The following IQCK variants were observed in gnomAD, a reference collection of about 807,000 sequenced individuals.
IQCK encodes IQ domain-containing protein K.
Under a neutral mutation model 28.1 loss-of-function variants are expected in IQCK, and 29 were observed. That is an observed-to-expected ratio of 1.03 (90% confidence interval 0.77 to 1.41). The LOEUF is 1.41. Ranked by LOEUF, IQCK falls within the 40% of genes most tolerant of loss-of-function variation. The pLI, the probability that IQCK is intolerant of heterozygous loss-of-function variation, is 0.00. For synonymous variants in IQCK, 113 were observed against 115.1 expected (o/e 0.98, Z 0.12); for missense variants, 359 against 314.7 (o/e 1.14, Z -1.07).
intron 7 of IQCK, among the ~76,000 whole-genome samples, chr16:19,793,652 T>TGTTTG (rs1349410786): frequency 7.8e-6 from 1 of 128,376 alleles, no homozygotes; most frequent in African/African-American, 3.5e-5. Flanking sequence ...GGTTTTTTTT[T>TGTTTG]TTTTTTTTTT....
intron 2 of IQCK, among the ~76,000 whole-genome samples, chr16:19,732,455 G>A (rs1026742488): frequency 4.6e-5 from 7 of 152,106 alleles, no homozygotes; most frequent in East Asian, 1.9e-4. Flanking sequence ...GGGATTGGGC[G>A]GTGGCGGCAG....
At chr16:19,719,232 A>C (rs8063404) in intron 1 of IQCK, among the ~76,000 whole-genome samples, 24,783 of 152,038 alleles carry the variant, frequency 0.16, 2,176 homozygotes, top group South Asian at 0.27. Context: ...GGAAAAAAAA[A>C]CACAAACTGC....
intron 9 of IQCK, among the ~76,000 whole-genome samples, chr16:19,838,107 G>A (rs75892985): frequency 0.029 from 4,488 of 152,304 alleles, 92 homozygotes; most frequent in Non-Finnish European, 0.045. Context: ...CAGGCAAGAG[G>A]CCTGCTGTCT....
exon 10 of IQCK, chr16:19,856,640 T>A: frequency 1.9e-6 from 2 of 1,027,818 alleles, no homozygotes; most frequent in Non-Finnish European, 1.5e-6. Context: ...GTGATTTCTT[T>A]AACAAGACTT....
intron 4 of IQCK, among the ~76,000 whole-genome samples, chr16:19,760,875 A>AT (rs2055128694): frequency 6.6e-6 from 1 of 152,184 alleles, no homozygotes; most frequent in Non-Finnish European, 1.5e-5. Context: ...TCTTGAGTAT[A>AT]TGCTAAGCAA....
At chr16:19,809,134 G>C (rs2055870188) in intron 7 of IQCK, among the ~76,000 whole-genome samples, 1 of 152,238 alleles carries the variant, frequency 6.6e-6, no homozygotes, top group South Asian at 2.1e-4. Context: ...TGGGATTACA[G>C]GCGTAAGCCA....
chr16:19,816,464 T>C (rs1362590364), intron 7 of IQCK, among the ~76,000 whole-genome samples: 1 of 152,094 alleles, frequency 6.6e-6, no homozygotes, highest in African/African-American at 2.4e-5. Flanking sequence ...GTATTTTTAG[T>C]AGAGACGGGG....
intron 1 of IQCK, among the ~76,000 whole-genome samples, chr16:19,728,819 C>T (rs1977739694): frequency 6.6e-6 from 1 of 152,166 alleles, no homozygotes; most frequent in African/African-American, 2.4e-5. Context: ...TAACCTGCAA[C>T]CTGACATTCT....
chr16:19,805,201 G>C (rs1234226577), intron 7 of IQCK, among the ~76,000 whole-genome samples: 1 of 150,414 alleles, frequency 6.6e-6, no homozygotes, highest in Non-Finnish European at 1.5e-5. Context: ...GCTGACTTCA[G>C]ATATGGCCCA....
intron 6 of IQCK, among the ~76,000 whole-genome samples, chr16:19,784,926 G>A (rs563243508): frequency 2.0e-5 from 3 of 152,198 alleles, no homozygotes; most frequent in Admixed American, 6.5e-5. Flanking sequence ...ACACCACCAC[G>A]GCTGGCTAAA....
chr16:19,766,490 G>T (rs1295795541), intron 6 of IQCK, among the ~76,000 whole-genome samples: 2 of 152,210 alleles, frequency 1.3e-5, no homozygotes, highest in Non-Finnish European at 2.9e-5. Flanking sequence ...CTTGTCTCAA[G>T]TAGGAATAGT....
downstream of IQCK, among the ~76,000 whole-genome samples, chr16:19,829,179 C>T (rs1173699434): frequency 2.6e-5 from 4 of 151,564 alleles, 1 homozygote; most frequent in Non-Finnish European, 5.9e-5. Flanking sequence ...AGTCATACAT[C>T]CCTCAGCAGG....
chr16:19,808,726 TA>T (rs1272800523), intron 7 of IQCK, among the ~76,000 whole-genome samples: 1 of 152,202 alleles, frequency 6.6e-6, no homozygotes, highest in Non-Finnish European at 1.5e-5. Context: ...CAGCAGAGCA[TA>T]AAATAAGTGT....
At chr16:19,840,843 G>A (rs1045082461) in intron 9 of IQCK, among the ~76,000 whole-genome samples, 2 of 152,234 alleles carry the variant, frequency 1.3e-5, no homozygotes, top group African/African-American at 4.8e-5. Context: ...AGAGAAATCT[G>A]TTGGTGTTCA....
At chr16:19,745,163 A>G (rs1197272220) in intron 4 of IQCK, among the ~76,000 whole-genome samples, 3 of 152,242 alleles carry the variant, frequency 2.0e-5, no homozygotes, top group Admixed American at 2.0e-4. Flanking sequence ...TAACATTTTC[A>G]AGTCCTCATA....
chr16:19,817,378 C>T (rs548389789), intron 7 of IQCK, among the ~76,000 whole-genome samples: 13 of 152,268 alleles, frequency 8.5e-5, no homozygotes, highest in South Asian at 2.1e-4. Flanking sequence ...TCAATGGGTG[C>T]GTGCTTTCCC....
intron 7 of IQCK, among the ~76,000 whole-genome samples, chr16:19,826,564 G>A (rs2056151375): frequency 6.6e-6 from 1 of 152,166 alleles, no homozygotes; most frequent in Non-Finnish European, 1.5e-5. Context: ...TTTTAGTAGA[G>A]AGGGGGTTTC....
intron 4 of IQCK, among the ~76,000 whole-genome samples, chr16:19,757,411 G>T (rs1219703861): frequency 6.6e-6 from 1 of 152,180 alleles, no homozygotes; most frequent in Non-Finnish European, 1.5e-5. Flanking sequence ...TGTGGCTCAT[G>T]CCTGTAATCC....
At chr16:19,747,895 G>A (rs2054933910) in intron 4 of IQCK, among the ~76,000 whole-genome samples, 1 of 152,078 alleles carries the variant, frequency 6.6e-6, no homozygotes, top group Admixed American at 6.6e-5. Flanking sequence ...ATACAGGAAG[G>A]GTGGAGAATG....
Sources: allele counts gnomAD v4.1 joint callset (sites outside exome capture counted in the v4.1 genomes callset), GRCh38; gene constraint gnomAD v4.1.1; transcripts MANE v1.5; gene names NCBI Gene and HGNC (gene_info 2026-07-23, HGNC 2026-07-21).